HDHD5: variants seen among roughly 807,000 people sequenced by gnomAD.
HDHD5 encodes haloacid dehalogenase-like hydrolase domain-containing 5.
HDHD5 carries 34 observed loss-of-function variants against 35.5 expected under a neutral mutation model. That is an observed-to-expected ratio of 0.96 (90% CI 0.73 to 1.28). HDHD5 has a LOEUF of 1.28. HDHD5 is among the 50% of genes most tolerant of loss of function. The pLI is 0.00. For missense variants in HDHD5, 589 were observed against 560.2 expected (o/e 1.05, Z -0.52); for synonymous variants, 248 against 240.6 (o/e 1.03, Z -0.29).
intron 3 of HDHD5, among the ~76,000 whole-genome samples, chr22:17,145,380 G>A (rs767942321): frequency 6.6e-5 from 10 of 152,194 alleles, no homozygotes; most frequent in Non-Finnish European, 1.2e-4. Context: ...CCTATGCTGG[G>A]CACAGCCTAG....
chr22:17,151,796 G>C (rs1261743491), intron 1 of HDHD5, among the ~76,000 whole-genome samples: 1 of 151,098 alleles, frequency 6.6e-6, no homozygotes, highest in Admixed American at 6.6e-5. Context: ...AGGCGCTCCA[G>C]TACCTACTTT....
At chr22:17,152,176 G>A (rs1459887731) in intron 1 of HDHD5, among the ~76,000 whole-genome samples, 1 of 152,142 alleles carries the variant, frequency 6.6e-6, no homozygotes, top group Non-Finnish European at 1.5e-5. Context: ...ACAGGTCTCC[G>A]AGGCCAATTT....
chr22:17,164,409 A>T lies in HDHD5; in HGVS notation c.36+800T>A, dbSNP rs78301968. Among the ~76,000 whole-genome samples, 1,649 of 152,296 alleles carry T rather than the reference A, an allele frequency of 0.011. 100 individuals are homozygous for T. In the East Asian group the frequency reaches 0.13, roughly 12 times the overall value. On this transcript the variant is annotated intron_variant, in intron 1 of 7. Coordinates refer to the HDHD5 transcript ENST00000155674. ...AAACCTCCAAAGAGCAGTGGCTTAG[A>T]TAAGAAAGAAATGTGTTTCTCTCAC...
At chr22:17,141,706 G>T in intron 5 of HDHD5, 1 of 746,746 alleles carries the variant, frequency 1.3e-6, no homozygotes, top group Non-Finnish European at 1.6e-6. Context: ...CTGTATGACT[G>T]TGGCCAAGTA....
intron 1 of HDHD5, among the ~76,000 whole-genome samples, 196 bp from the exon 2 acceptor site, chr22:17,149,941 A>G (rs2061708097): frequency 6.6e-6 from 1 of 152,164 alleles, no homozygotes; most frequent in African/African-American, 2.4e-5. Flanking sequence ...ATATAATCCC[A>G]ACACTTATTT....
chr22:17,159,643 G>C (rs1320567951), upstream of HDHD5: 1 of 382,290 alleles, frequency 2.6e-6, no homozygotes, highest in Non-Finnish European at 5.1e-6. Flanking sequence ...GGGCCGGGCC[G>C]CTGGGGCAGA....
Position 17,143,129 on chromosome 22 carries a change from G to C in HDHD5, c.540C>G (p.Pro180=), listed in dbSNP as rs935360383. 1 of 1,608,714 alleles carries C rather than the reference G, an allele frequency of 6.2e-7. No homozygotes were observed. The highest frequency in any genetic ancestry group is 1.1e-5 in the South Asian group (1 of 89,748). Residue 180 remains proline (P), a splice_region_variant and synonymous_variant, in exon 5 of 8, where the codon CCC becomes CCG. Coordinates refer to ENST00000336737, the MANE Select transcript of HDHD5 (RefSeq NM_033070.3). ...VDLERRLKTT[P]LPRNDFPRIE... ...TGCGGGGGAAGTCATTCCTCGGGAG[G>C]GGCTGCAGAGAGACAAAGGAGAGGC...
At chr22:17,159,422 T>C (rs1416242934), upstream of HDHD5, 4 of 705,156 alleles carry the variant, frequency 5.7e-6, no homozygotes, top group Non-Finnish European at 9.0e-6. Context: ...CCAAAGGGGC[T>C]CCGTTGCAAG....
intron 1 of HDHD5, among the ~76,000 whole-genome samples, chr22:17,155,378 T>C (rs2061778175): frequency 6.6e-6 from 1 of 152,056 alleles, no homozygotes; most frequent in East Asian, 1.9e-4. Context: ...CCCAAGTAGC[T>C]GGGACTACAG....
intron 1 of HDHD5, among the ~76,000 whole-genome samples, chr22:17,157,086 A>ACACACACG (rs1491446948): frequency 1.3e-4 from 1 of 7,894 alleles, no homozygotes; most frequent in Non-Finnish European, 2.5e-4. Flanking sequence ...TCACACACAT[A>ACACACACG]CACACACACA....
Position 17,137,626 on chromosome 22 carries a change from C to T in HDHD5, c.*395G>A, listed in dbSNP as rs2061548608. 5.4e-6 allele frequency: 1 copy of T among 185,350 alleles called. No homozygotes were observed. The highest frequency in any genetic ancestry group is 1.5e-4 in the East Asian group (1 of 6,672). The allele number at this position is 185,350 out of a possible 1,614,324, so 11.5% of individuals were successfully genotyped here. On this transcript the variant is annotated 3_prime_UTR_variant, in exon 8 of 8. Coordinates refer to ENST00000336737, the MANE Select transcript of HDHD5 (RefSeq NM_033070.3). ...AAAAGTAGCATCTGGTGTTAAGACA[C>T]TCTGCCGACAGGCTGCATGCCTTCA...
intron 1 of HDHD5, among the ~76,000 whole-genome samples, chr22:17,152,575 C>T (rs2123871167): frequency 6.6e-6 from 1 of 152,236 alleles, no homozygotes; most frequent in South Asian, 2.1e-4. Flanking sequence ...AAGGTTAAGT[C>T]CCACTTTGGA....
chr22:17,152,939 G>A (rs553908971), intron 1 of HDHD5, among the ~76,000 whole-genome samples: 3 of 152,162 alleles, frequency 2.0e-5, no homozygotes, highest in Admixed American at 6.5e-5. Flanking sequence ...AGCCAAGCAG[G>A]AGGAGGGCAG....
In HDHD5 at chr22:17,149,523, C is replaced by T. The variant is rs1360884937; in HGVS notation, c.330+19G>A. Reference sequence around the variant, plus strand: ...GGAACCAGGTCCTTGGGCTTCCATGCCTCTGGCTGCCTTCTCACCTCGCAC... The same window carrying T: ...GGAACCAGGTCCTTGGGCTTCCATGTCTCTGGCTGCCTTCTCACCTCGCAC... On this transcript the variant is annotated intron_variant, in intron 2 of 7. Transcript: ENST00000336737. 1 of 1,608,696 alleles carries T rather than the reference C, an allele frequency of 6.2e-7. No individual in the cohort carries two copies. Among genetic ancestry groups the T allele is most frequent in the Admixed American group, 1.7e-5 (1 of 59,928 alleles).
chr22:17,138,804 T>C (rs1181760170), intron 6 of HDHD5, 66 bp from the exon 7 acceptor site: 2 of 1,567,054 alleles, frequency 1.3e-6, no homozygotes, highest in Non-Finnish European at 1.7e-6. Flanking sequence ...AGAACACGAC[T>C]GCCACTGTCT....
chr22:17,159,584 C>T (rs1223045541), upstream of HDHD5: 1 of 429,050 alleles, frequency 2.3e-6, no homozygotes, highest in South Asian at 1.6e-5. Flanking sequence ...AGGCCGGCCT[C>T]CCTCAGCTTC....
chr22:17,164,200 G>A (rs1314037594), upstream of HDHD5, among the ~76,000 whole-genome samples: 1 of 139,890 alleles, frequency 7.1e-6, no homozygotes. Context: ...CAGCCTAGGC[G>A]ACAGAGTGAG....
In HDHD5 at chr22:17,145,040, C is replaced by T. The variant is rs561616824; in HGVS notation, c.521G>A (p.Arg174Gln). The T allele has an allele frequency of 9.9e-5, 159 of 1,613,890 alleles. No homozygotes were observed. The highest frequency in any genetic ancestry group is 1.3e-4 in the Non-Finnish European group (149 of 1,180,008). Residue 174 changes from arginine (R) to glutamine (Q), a missense_variant, in exon 4 of 8, where the codon CGG (arginine) becomes CAG (glutamine). Physicochemically the swap from Arg to Gln is conservative, Grantham distance 43 (BLOSUM62 1). Transcript: ENST00000336737. Reference protein sequence around the residue: ...FPLLDMVDLERRLKTTPLPRN... With the variant: ...FPLLDMVDLEQRLKTTPLPRN... ...CCTTATTACCGTGGTCTTTAGCCGC[C>T]GCTCCAGGTCCACCATGTCAAGCAG...
upstream of HDHD5, among the ~76,000 whole-genome samples, chr22:17,162,262 A>T (rs1204772368): frequency 6.6e-6 from 1 of 152,010 alleles, no homozygotes; most frequent in Non-Finnish European, 1.5e-5. Flanking sequence ...CAGCTAAGTC[A>T]CTCCTGAATT....
Sources: allele counts gnomAD v4.1 joint callset (sites outside exome capture counted in the v4.1 genomes callset), GRCh38; gene constraint gnomAD v4.1.1; transcripts MANE v1.5; gene names NCBI Gene and HGNC (gene_info 2026-07-23, HGNC 2026-07-21).